ERICH3: variants seen among roughly 807,000 people sequenced by gnomAD.
ERICH3 encodes glutamate rich 3, also known as glutamate-rich protein 3.
In ERICH3, 126 loss-of-function variants were observed where a neutral mutation model predicts 131.1. That is an observed-to-expected ratio of 0.96 (90% CI 0.83 to 1.11). ERICH3 has a LOEUF of 1.11. ERICH3 is among the 50% of genes most tolerant of loss of function. The pLI is 0.00. For synonymous variants in ERICH3, 695 were observed against 644.6 expected, an observed-to-expected ratio of 1.08 and a Z score of -1.18; for missense variants, 2,050 against 1,810.7, an observed-to-expected ratio of 1.13 and a Z score of -2.40.
intron 6 of ERICH3, among the ~76,000 whole-genome samples, chr1:74,634,107 A>G (rs1243142670): frequency 6.6e-6 from 1 of 152,128 alleles, no homozygotes; most frequent in African/African-American, 2.4e-5. Flanking sequence ...TTGAGTGCTC[A>G]CTACATACTC....
chr1:74,601,893 T>A (rs577888192), intron 10 of ERICH3, among the ~76,000 whole-genome samples: 1 of 152,014 alleles, frequency 6.6e-6, no homozygotes, highest in South Asian at 2.1e-4. Flanking sequence ...TACAACGCTA[T>A]GGTGAGTATT....
chr1:74,638,312 C>T (rs1646409270), intron 5 of ERICH3, among the ~76,000 whole-genome samples: 1 of 152,116 alleles, frequency 6.6e-6, no homozygotes, highest in African/African-American at 2.4e-5. Context: ...CATCTAATGG[C>T]AACACAAAAC....
In ERICH3 at chr1:74,631,804, T is replaced by G. The variant is rs1475365781; in HGVS notation, c.728A>C (p.Lys243Thr). ...PIPPPLPPTGKITRENRSETW... is the reference protein window; with the variant it reads ...PIPPPLPPTGTITRENRSETW... ...TTCAGATCTATTTTCTCTTGTGATTTTCCCAGTTGGGGGAAGTGGAGGAGG... is the reference window on the plus strand; with the variant it reads ...TTCAGATCTATTTTCTCTTGTGATTGTCCCAGTTGGGGGAAGTGGAGGAGG... The change falls in exon 7 of 15, where the codon AAA (lysine) becomes ACA (threonine). Residue 243 changes from lysine to threonine, a missense_variant. Coordinates refer to ENST00000326665, the MANE Select transcript of ERICH3 (RefSeq NM_001002912.5). The G allele has an allele frequency of 6.8e-6, 11 of 1,613,526 alleles. No individual in the cohort carries two copies. The highest frequency in any genetic ancestry group is 9.3e-6 in the Non-Finnish European group (11 of 1,179,708).
chr1:74,659,478 A>G (rs936427937), intron 1 of ERICH3, among the ~76,000 whole-genome samples: 5 of 152,200 alleles, frequency 3.3e-5, no homozygotes, highest in Admixed American at 6.5e-5. Flanking sequence ...CCAGACACAA[A>G]GGAGATTAGA....
intron 1 of ERICH3, among the ~76,000 whole-genome samples, chr1:74,655,226 G>T (rs1048381387): frequency 1.3e-5 from 2 of 152,132 alleles, no homozygotes; most frequent in East Asian, 3.9e-4. Flanking sequence ...AACCCAAATT[G>T]TGACTTATTC....
intron 1 of ERICH3, among the ~76,000 whole-genome samples, chr1:74,666,048 T>A (rs1487517341): frequency 2.0e-5 from 3 of 152,114 alleles, no homozygotes; most frequent in Non-Finnish European, 4.4e-5. Flanking sequence ...AAAAGATCAT[T>A]GATGACCATC....
At chr1:74,610,792 C>T (rs577725436) in intron 9 of ERICH3, among the ~76,000 whole-genome samples, 17 of 151,958 alleles carry the variant, frequency 1.1e-4, no homozygotes, top group Non-Finnish European at 2.9e-5. Context: ...TGCACTATAA[C>T]TCGTGCCATG....
intron 1 of ERICH3, among the ~76,000 whole-genome samples, chr1:74,668,331 G>T (rs141994031): frequency 3.6e-4 from 55 of 152,160 alleles, no homozygotes; most frequent in African/African-American, 1.2e-3. Context: ...TCATCTGGTG[G>T]TCTTATTAGG....
intron 8 of ERICH3, among the ~76,000 whole-genome samples, chr1:74,613,192 C>A (rs910493752): frequency 6.6e-6 from 1 of 152,152 alleles, no homozygotes; most frequent in Non-Finnish European, 1.5e-5. Context: ...CATTTGATTA[C>A]TTTTATTTGT....
At chr1:74,590,407 AT>A (rs1647535909) in intron 11 of ERICH3, among the ~76,000 whole-genome samples, 1 of 152,214 alleles carries the variant, frequency 6.6e-6, no homozygotes, top group African/African-American at 2.4e-5. Context: ...TGACAATAAT[AT>A]AGAATCAGTG....
chr1:74,607,924 T>C (rs1425280293), intron 9 of ERICH3, among the ~76,000 whole-genome samples: 2 of 151,916 alleles, frequency 1.3e-5, no homozygotes, highest in East Asian at 1.9e-4. Flanking sequence ...TCTGTATCCA[T>C]TATCTTAAGG....
At chr1:74,603,059 G>C (rs1003000018) in intron 10 of ERICH3, among the ~76,000 whole-genome samples, 19 of 151,770 alleles carry the variant, frequency 1.3e-4, no homozygotes, top group Admixed American at 2.6e-4. Context: ...TGAAACACTT[G>C]GGCAGCAAAA....
chr1:74,574,224 A>C (rs921056428), intron 13 of ERICH3, among the ~76,000 whole-genome samples: 2 of 150,844 alleles, frequency 1.3e-5, no homozygotes, highest in African/African-American at 2.4e-5. Flanking sequence ...GCTGGTTTCA[A>C]CTCTTGGATC....
At chr1:74,667,249 A>G (rs1165315569) in intron 1 of ERICH3, among the ~76,000 whole-genome samples, 1 of 152,318 alleles carries the variant, frequency 6.6e-6, no homozygotes, top group East Asian at 1.9e-4. Flanking sequence ...AGTTTAGAAA[A>G]AGGTGACAAA....
At chr1:74,655,359 G>A (rs578153482) in intron 1 of ERICH3, among the ~76,000 whole-genome samples, 38 of 152,218 alleles carry the variant, frequency 2.5e-4, no homozygotes, top group South Asian at 4.2e-4. Flanking sequence ...AGACAGAAAC[G>A]ACTCAAATTA....
At chr1:74,591,410 C>T (rs953047513) in intron 11 of ERICH3, among the ~76,000 whole-genome samples, 3 of 152,128 alleles carry the variant, frequency 2.0e-5, no homozygotes, top group East Asian at 1.9e-4. Context: ...TTTCATACTT[C>T]GGAAAAGTCA....
intron 10 of ERICH3, 34 bp from the exon 11 acceptor site, chr1:74,599,965 A>C (rs969477045): frequency 1.4e-6 from 2 of 1,471,114 alleles, no homozygotes; most frequent in Admixed American, 3.7e-5. Flanking sequence ...TAAGAATGAA[A>C]ATAGAACCCC....
At chr1:74,664,452 G>A (rs1360859877) in intron 1 of ERICH3, among the ~76,000 whole-genome samples, 2 of 152,074 alleles carry the variant, frequency 1.3e-5, no homozygotes, top group Non-Finnish European at 2.9e-5. Flanking sequence ...AGCAAGCAAT[G>A]AAGAGAAACA....
intron 3 of ERICH3, among the ~76,000 whole-genome samples, chr1:74,644,896 T>A (rs754238380): frequency 6.6e-6 from 1 of 152,050 alleles, no homozygotes; most frequent in Non-Finnish European, 1.5e-5. Flanking sequence ...GTTGAGAATT[T>A]AAGGCTCTCC....
Sources: allele counts gnomAD v4.1 joint callset (sites outside exome capture counted in the v4.1 genomes callset), GRCh38; gene constraint gnomAD v4.1.1; transcripts MANE v1.5; gene names NCBI Gene and HGNC (gene_info 2026-07-23, HGNC 2026-07-21).